Variants in EPDR1 observed in about 807,000 individuals in gnomAD.
EPDR1 encodes the protein mammalian ependymin-related protein 1.
In EPDR1, 27 loss-of-function variants were observed where a neutral mutation model predicts 23.7. That is an observed-to-expected ratio of 1.14 (90% CI 0.84 to 1.57). EPDR1 has a LOEUF of 1.57. Ranked by LOEUF, EPDR1 falls within the 40% of genes most tolerant of loss-of-function variation. EPDR1 has a pLI of 0.00. For missense variants in EPDR1, 349 were observed against 290.4 expected (o/e 1.20, Z -1.47); for synonymous variants, 137 against 118.2 (o/e 1.16, Z -1.03).
At chr7:37,928,589 A>G (rs1785864186) in intron 1 of EPDR1, among the ~76,000 whole-genome samples, 1 of 152,074 alleles carries the variant, frequency 6.6e-6, no homozygotes, top group Admixed American at 6.5e-5. Flanking sequence ...TAATCAACCA[A>G]TCTTTGATCA....
chr7:37,921,251 G>C, intron 1 of EPDR1, 43 bp downstream of exon 1: 2 of 1,538,248 alleles, frequency 1.3e-6, no homozygotes, highest in Non-Finnish European at 1.7e-6. Context: ...GGAGCCGCGC[G>C]GGCATGGGGA....
intron 1 of EPDR1, among the ~76,000 whole-genome samples, chr7:37,936,132 A>T (rs1196891654): frequency 2.0e-4 from 18 of 89,522 alleles, no homozygotes; most frequent in Admixed American, 1.9e-3. Context: ...CCTTAATAGC[A>T]GACTAAGTCC....
intron 1 of EPDR1, among the ~76,000 whole-genome samples, chr7:37,925,867 C>T (rs1389100666): frequency 6.6e-6 from 1 of 152,222 alleles, no homozygotes; most frequent in East Asian, 1.9e-4. Context: ...ATGCAATGAA[C>T]TTGACACAGA....
intron 1 of EPDR1, among the ~76,000 whole-genome samples, chr7:37,937,621 A>G (rs1053896839): frequency 1.3e-5 from 2 of 152,312 alleles, no homozygotes; most frequent in African/African-American, 2.4e-5. Flanking sequence ...AATTAAAATT[A>G]CACTGCTCTT....
In EPDR1 at chr7:37,920,840, G is replaced by A; in HGVS notation, c.-100G>A. ...CACTTTGGTCCAGACCACACTCCCG[G>A]CACAGTGCGGAAAGAGCCGGCGGGA... On this transcript the variant is annotated 5_prime_UTR_variant, in exon 1 of 3. Transcript: ENST00000199448. 1.2e-6 allele frequency: 2 copies of A among 1,610,484 alleles called. No homozygotes were observed. The highest frequency in any genetic ancestry group is 1.7e-6 in the Non-Finnish European group (2 of 1,178,558).
intron 1 of EPDR1, among the ~76,000 whole-genome samples, chr7:37,922,026 C>T (rs1342812526): frequency 6.6e-6 from 1 of 152,164 alleles, no homozygotes; most frequent in Admixed American, 6.5e-5. Context: ...GATGTCATCT[C>T]GCTTGTGGCC....
chr7:37,930,367 A>G lies in EPDR1; in HGVS notation c.269+9159A>G, dbSNP rs149118383. 2.1e-3 allele frequency among the ~76,000 whole-genome samples: 315 copies of G among 152,344 alleles called. 2 individuals carry two copies. The highest frequency in any genetic ancestry group is 7.2e-3 in the African/African-American group (301 of 41,578). ...CTCTGCCTGACGCAGCATTGTCAGC[A>G]ATAGGTAACATATAACTTATGAGGA... On this transcript the variant is annotated intron_variant, in intron 1 of 2. Transcript: ENST00000199448.
At chr7:37,927,664 T>G (rs1041308464) in intron 1 of EPDR1, among the ~76,000 whole-genome samples, 3 of 152,236 alleles carry the variant, frequency 2.0e-5, no homozygotes, top group Admixed American at 6.5e-5. Flanking sequence ...AGAGGGTGTT[T>G]CTGTGTGACT....
chr7:37,926,697 G>T (rs1785820929), intron 1 of EPDR1: 1 of 454,412 alleles, frequency 2.2e-6, no homozygotes, highest in Admixed American at 2.4e-5. Context: ...AGGAATATCA[G>T]GGATAATACT....
chr7:37,936,039 T>TATACAC (rs57925993), intron 1 of EPDR1, among the ~76,000 whole-genome samples: 1,388 of 80,910 alleles, frequency 0.017, 223 homozygotes, highest in Middle Eastern at 0.041. Context: ...TATATATATA[T>TATACAC]ACACAAGGGA....
intron 1 of EPDR1, chr7:37,926,755 T>C: frequency 2.2e-6 from 1 of 448,756 alleles, no homozygotes. Context: ...TGATTGACTG[T>C]TGTCTGCCAG....
At position 37,920,678 on chromosome 7, in the gene EPDR1, A is replaced by G. The variant is rs755117989; in HGVS notation, c.-262A>G. 2 of 1,584,558 alleles carry G rather than the reference A, an allele frequency of 1.3e-6. No individual in the cohort carries two copies. Among genetic ancestry groups the G allele is most frequent in the South Asian group, 1.1e-5 (1 of 89,742 alleles). ...GCGGCAGAAGGCAGTGGCAGCAGGC[A>G]GTGGCAGCAGGCAGTGGCCCAGGCA... On this transcript the variant is annotated 5_prime_UTR_variant, in exon 1 of 3. Coordinates refer to ENST00000199448, the MANE Select transcript of EPDR1 (RefSeq NM_017549.5).
Position 37,921,037 on chromosome 7 carries a change from TG to T in EPDR1, c.103del (p.Ala35ArgfsTer51). On this transcript the variant is annotated frameshift_variant, in exon 1 of 3. Transcript: ENST00000199448. LOFTEE classifies it high-confidence loss of function. ...WAWTLCGLCS[L>X]GAVGAPRPCQ... The stretch of plus-strand genomic sequence containing the variant: ...TGGACCCTGTGCGGCCTGTGCAGCC[TG>T]GGGGCGGTGGGAGCCCCGCGCCCGT... 1 of 1,531,514 alleles carries T rather than the reference TG, an allele frequency of 6.5e-7. No homozygotes were observed. 94.9% of individuals were successfully genotyped at this position (1,531,514 alleles called of 1,614,324 possible). A position where few individuals can be genotyped will look rare whatever the true frequency, so the allele number is the denominator to read the frequency against.
chr7:37,936,039 T>TATACACAC lies in EPDR1; in HGVS notation c.270-12800_270-12799insTACACACA, dbSNP rs57925993. ...ATATATATATATATATATATATATA[T>TATACACAC]ACACAAGGGAAATGTGAATCTGTTA... On this transcript the variant is annotated intron_variant, in intron 1 of 2. Transcript: ENST00000199448. 1.4e-3 allele frequency among the ~76,000 whole-genome samples: 113 copies of TATACACAC among 80,948 alleles called. 14 individuals are homozygous for TATACACAC. Among genetic ancestry groups the TATACACAC allele is most frequent in the East Asian group, 5.9e-3 (13 of 2,222 alleles). The allele number at this position is 80,948 out of a possible 152,430, so 53.1% of individuals were successfully genotyped here.
intron 1 of EPDR1, 49 bp from the exon 2 acceptor site, chr7:37,948,791 A>G: frequency 6.8e-7 from 1 of 1,481,460 alleles, no homozygotes; most frequent in Non-Finnish European, 9.4e-7. Context: ...AAAAGGCACG[A>G]GGATGGTAAC....
At chr7:37,922,597 C>A (rs1021894817) in intron 1 of EPDR1, among the ~76,000 whole-genome samples, 1 of 151,600 alleles carries the variant, frequency 6.6e-6, no homozygotes, top group East Asian at 1.9e-4. Context: ...ATTTTACAGA[C>A]AATAACTCTG....
chr7:37,948,046 C>A (rs191007239), intron 1 of EPDR1, among the ~76,000 whole-genome samples: 1 of 152,236 alleles, frequency 6.6e-6, no homozygotes, highest in Non-Finnish European at 1.5e-5. Flanking sequence ...AAGCCCCTTA[C>A]TCATGACTGC....
chr7:37,941,933 C>T (rs117848926), intron 1 of EPDR1, among the ~76,000 whole-genome samples: 40 of 152,078 alleles, frequency 2.6e-4, no homozygotes, highest in Non-Finnish European at 4.9e-4. Context: ...AATTGTTGAG[C>T]CTAGGAGGCA....
chr7:37,931,232 G>A (rs1785930955), intron 1 of EPDR1, among the ~76,000 whole-genome samples: 1 of 152,106 alleles, frequency 6.6e-6, no homozygotes, highest in African/African-American at 2.4e-5. Context: ...AGAAGTCTGA[G>A]GCCAGGTGCG....
Sources: gnomAD v4.1 joint callset for allele counts (sites outside exome capture counted in the v4.1 genomes callset) on GRCh38, gnomAD v4.1.1 for gene constraint, MANE v1.5 for transcripts, NCBI Gene and HGNC (gene_info 2026-07-23, HGNC 2026-07-21) for gene names.